NCK2: variants seen among roughly 807,000 people sequenced by gnomAD.
The protein encoded by NCK2 is cytoplasmic protein NCK2.
A neutral mutation model predicts 33.9 loss-of-function variants in NCK2; 16 were observed. That is an observed-to-expected ratio of 0.47 (90% CI 0.32 to 0.72). The LOEUF (loss-of-function observed/expected upper bound fraction) is 0.72. NCK2 is among the 30% of genes least tolerant of loss of function. The pLI is 0.03. For missense variants in NCK2, 418 were observed against 537.3 expected, an observed-to-expected ratio of 0.78 and a Z score of 2.19; for synonymous variants, 273 against 239.9, an observed-to-expected ratio of 1.14 and a Z score of -1.27.
intron 1 of NCK2, among the ~76,000 whole-genome samples, chr2:105,754,483 A>G (rs927554343): frequency 6.6e-6 from 1 of 152,218 alleles, no homozygotes; most frequent in Non-Finnish European, 1.5e-5. Context: ...GCAAGTCAAC[A>G]AATATTTTAA....
chr2:105,758,872 CTTTG>C (rs1445493795), intron 1 of NCK2, among the ~76,000 whole-genome samples: 1 of 152,150 alleles, frequency 6.6e-6, no homozygotes, highest in Non-Finnish European at 1.5e-5. Context: ...TACATTTAAG[CTTTG>C]TTTAACATCT....
At chr2:105,890,932 C>A (rs1678945809) in intron 4 of NCK2, among the ~76,000 whole-genome samples, 2 of 152,180 alleles carry the variant, frequency 1.3e-5, no homozygotes, top group African/African-American at 4.8e-5. Flanking sequence ...GCTGCTGGAC[C>A]CTCAGAGCAG....
intron 1 of NCK2, among the ~76,000 whole-genome samples, chr2:105,772,551 G>A (rs537552156): frequency 2.6e-5 from 4 of 152,176 alleles, no homozygotes; most frequent in East Asian, 1.9e-4. Flanking sequence ...GGGGTCAGCC[G>A]CATGTTACTG....
intron 4 of NCK2, among the ~76,000 whole-genome samples, chr2:105,885,664 T>C (rs940105387): frequency 6.6e-5 from 10 of 152,168 alleles, no homozygotes; most frequent in African/African-American, 2.4e-4. Flanking sequence ...GCACGTTTCT[T>C]GGTGGTGATG....
chr2:105,871,998 A>G (rs1371040743), intron 3 of NCK2, among the ~76,000 whole-genome samples: 1 of 152,226 alleles, frequency 6.6e-6, no homozygotes, highest in Non-Finnish European at 1.5e-5. Context: ...AGACTGGGGA[A>G]GCTGTCAAGA....
intron 1 of NCK2, among the ~76,000 whole-genome samples, chr2:105,812,837 G>C (rs1380493931): frequency 7.6e-6 from 1 of 131,758 alleles, no homozygotes; most frequent in African/African-American, 2.9e-5. Flanking sequence ...TTTCCCTCCT[G>C]TGCTAACATC....
intron 1 of NCK2, among the ~76,000 whole-genome samples, chr2:105,808,388 G>GA (rs1303484888): frequency 3.3e-4 from 50 of 152,320 alleles, no homozygotes; most frequent in Non-Finnish European, 5.7e-4. Flanking sequence ...TGACAGCCTG[G>GA]AAAGAGCTAA....
At chr2:105,836,933 T>C (rs972134964) in intron 2 of NCK2, among the ~76,000 whole-genome samples, 3 of 152,192 alleles carry the variant, frequency 2.0e-5, no homozygotes, top group African/African-American at 7.2e-5. Flanking sequence ...GCCAGGTACC[T>C]CCCTTTATGG....
At chr2:105,786,286 G>C (rs1205375857) in intron 1 of NCK2, among the ~76,000 whole-genome samples, 4 of 152,256 alleles carry the variant, frequency 2.6e-5, no homozygotes. Context: ...GTGATCATTA[G>C]CTGAGCATGT....
intron 2 of NCK2, among the ~76,000 whole-genome samples, chr2:105,838,662 A>G (rs542758446): frequency 5.9e-4 from 90 of 152,332 alleles, no homozygotes; most frequent in African/African-American, 2.1e-3. Flanking sequence ...ATCCACATGC[A>G]AGGTAGGGCC....
chr2:105,882,002 G>T lies in NCK2; in HGVS notation c.901G>T (p.Glu301Ter). 6.6e-7 allele frequency: 1 copy of T among 1,509,370 alleles called. No individual in the cohort carries two copies. The highest frequency in any genetic ancestry group is 1.3e-5 in the South Asian group (1 of 74,644). 93.5% of individuals were successfully genotyped at this position (1,509,370 alleles called of 1,614,324 possible). The change falls in exon 4 of 5, where the codon GAG becomes TAG. Residue 301 changes from glutamate to a stop codon, truncating the protein, a stop_gained. Coordinates refer to ENST00000233154, the MANE Select transcript of NCK2 (RefSeq NM_003581.5). LOFTEE classifies it high-confidence loss of function. ...TRHQAECALN[E>*]RGVEGDFLIR... The stretch of plus-strand genomic sequence containing the variant: ...GCACCAGGCCGAGTGCGCCCTCAAC[G>T]AGCGGGGCGTGGAGGGCGACTTCCT...
intron 1 of NCK2, among the ~76,000 whole-genome samples, chr2:105,768,504 C>T (rs998739646): frequency 2.0e-5 from 3 of 152,206 alleles, no homozygotes; most frequent in African/African-American, 7.2e-5. Flanking sequence ...TTCCCATGAC[C>T]TCACTTCAGG....
rs544024110 is a variant in NCK2, at chr2:105,848,203, C to G, written c.-16-6845C>G. Among the ~76,000 whole-genome samples, 6 of 152,294 alleles carry G rather than the reference C, an allele frequency of 3.9e-5. No individual in the cohort carries two copies. The South Asian group carries it at 1.2e-3, about 32-fold the overall frequency. ...TGTAGACTGGCTCATTTAATCCTCACCGAAGCTCTGACCCATCTGCAAACA... is the reference window on the plus strand; with the variant it reads ...TGTAGACTGGCTCATTTAATCCTCAGCGAAGCTCTGACCCATCTGCAAACA... On this transcript the variant is annotated intron_variant, in intron 2 of 4. Coordinates refer to ENST00000233154, the MANE Select transcript of NCK2 (RefSeq NM_003581.5).
intron 3 of NCK2, among the ~76,000 whole-genome samples, chr2:105,875,625 G>C (rs1338200574): frequency 6.6e-6 from 1 of 152,176 alleles, no homozygotes; most frequent in Non-Finnish European, 1.5e-5. Flanking sequence ...CACCCTTGCT[G>C]CTTCTGCCAT....
intron 4 of NCK2, among the ~76,000 whole-genome samples, chr2:105,887,686 A>G (rs139126086): frequency 9.2e-5 from 14 of 152,352 alleles, no homozygotes; most frequent in African/African-American, 3.4e-4. Flanking sequence ...GAAATAAAGG[A>G]TATTAAAGTC....
intron 2 of NCK2, among the ~76,000 whole-genome samples, chr2:105,849,277 A>G (rs562976552): frequency 7.2e-5 from 11 of 152,278 alleles, no homozygotes; most frequent in Non-Finnish European, 1.3e-4. Flanking sequence ...ACCTACAGCT[A>G]CTCAGGAGGC....
At chr2:105,876,918 G>C (rs1678257428) in intron 3 of NCK2, among the ~76,000 whole-genome samples, 1 of 152,140 alleles carries the variant, frequency 6.6e-6, no homozygotes, top group Non-Finnish European at 1.5e-5. Flanking sequence ...CCCTCGGTCT[G>C]GACGCACAGC....
In NCK2 at chr2:105,893,766, AG is replaced by A. The variant is rs1679097161; in HGVS notation, c.*591del. 6.5e-6 allele frequency: 1 copy of A among 152,676 alleles called. No homozygotes were observed. The highest frequency in any genetic ancestry group is 6.5e-5 in the Admixed American group (1 of 15,292). The allele number at this position is 152,676 out of a possible 1,614,324, so 9.5% of individuals were successfully genotyped here. A position where few individuals can be genotyped will look rare whatever the true frequency, so the allele number is the denominator to read the frequency against. On this transcript the variant is annotated 3_prime_UTR_variant, in exon 5 of 5. Transcript: ENST00000233154. ...ATTTCCTGGAAAGGCAGTCTGCAAAAGAGGGAACCGGTGACTCAGAAAGACA... is the reference window on the plus strand; with the variant it reads ...ATTTCCTGGAAAGGCAGTCTGCAAAAAGGGAACCGGTGACTCAGAAAGACA...
intron 2 of NCK2, among the ~76,000 whole-genome samples, chr2:105,822,387 G>C (rs1294838889): frequency 1.3e-5 from 2 of 150,490 alleles, no homozygotes; most frequent in African/African-American, 5.0e-5. Flanking sequence ...CTTAACATCA[G>C]ACCTGCCAAA....
Sources: gnomAD v4.1 joint callset for allele counts (sites outside exome capture counted in the v4.1 genomes callset) on GRCh38, gnomAD v4.1.1 for gene constraint, MANE v1.5 for transcripts, NCBI Gene and HGNC (gene_info 2026-07-23, HGNC 2026-07-21) for gene names.